The following NAT1 variants were observed in gnomAD, a reference collection of about 807,000 sequenced individuals.
NAT1 encodes arylamine N-acetyltransferase 1.
For synonymous variants in NAT1, 144 were observed against 122.6 expected (o/e 1.17, Z -1.16); for missense variants, 400 against 339.2 (o/e 1.18, Z -1.41).
At chr8:18,214,534 A>T (rs1188808839) in intron 1 of NAT1, among the ~76,000 whole-genome samples, 1 of 152,186 alleles carries the variant, frequency 6.6e-6, no homozygotes, top group Non-Finnish European at 1.5e-5. Flanking sequence ...TCTCTGCCAG[A>T]GGCTTGAGTA....
chr8:18,204,857 C>A (rs1193740977), intron 2 of NAT1, among the ~76,000 whole-genome samples: 1 of 152,092 alleles, frequency 6.6e-6, no homozygotes, highest in Non-Finnish European at 1.5e-5. Flanking sequence ...CTTAGAAATC[C>A]TTTTATCCTA....
intron 1 of NAT1, among the ~76,000 whole-genome samples, chr8:18,218,221 C>T (rs901599585): frequency 6.6e-6 from 1 of 152,102 alleles, no homozygotes; most frequent in African/African-American, 2.4e-5. Flanking sequence ...AATTGTGGTA[C>T]GTTGTCAGGA....
intron 2 of NAT1, among the ~76,000 whole-genome samples, chr8:18,185,496 T>G (rs78395636): frequency 0.025 from 3,874 of 152,272 alleles, 151 homozygotes; most frequent in African/African-American, 0.087. Context: ...GTGACAATAT[T>G]CCCCTTTTCA....
chr8:18,202,536 C>T (rs111948595), intron 2 of NAT1, among the ~76,000 whole-genome samples: 146 of 152,160 alleles, frequency 9.6e-4, no homozygotes, highest in African/African-American at 3.4e-3. Flanking sequence ...GTTTGTTCCT[C>T]CAGATGTTCA....
In NAT1 at chr8:18,176,371, A is replaced by C. The variant is rs550224546; in HGVS notation, n.92+5632A>C. 7.9e-5 allele frequency among the ~76,000 whole-genome samples: 12 copies of C among 152,182 alleles called. No homozygotes were observed. In the South Asian group the frequency reaches 2.5e-3, roughly 32 times the overall value. On this transcript the variant is annotated intron_variant and non_coding_transcript_variant, in intron 2 of 4. Transcript: ENST00000517441. ...TGTCACAGTTTCAGGTCTTACGTTT[A>C]AGTATTTTATTCATTTTGAGTTGAC...
chr8:18,209,632 C>T (rs1226826155), upstream of NAT1: 1 of 152,188 alleles, frequency 6.6e-6, no homozygotes, highest in Non-Finnish European at 1.5e-5. Context: ...TGCCCAGTGC[C>T]TTCAGGTAGA....
At chr8:18,182,256 T>C (rs1323405713) in intron 2 of NAT1, among the ~76,000 whole-genome samples, 1 of 152,196 alleles carries the variant, frequency 6.6e-6, no homozygotes, top group Non-Finnish European at 1.5e-5. Flanking sequence ...ACAGAAGGCC[T>C]GTTCAGCTAT....
chr8:18,222,897 G>A lies in NAT1; in HGVS notation c.850G>A (p.Gly284Ser), dbSNP rs762676638. Reference protein sequence around the residue: ...SLQRKLVPKHGDRFFTI With the variant: ...SLQRKLVPKHSDRFFTI The stretch of plus-strand genomic sequence containing the variant: ...GCAGAGAAAGCTTGTGCCCAAACAT[G>A]GTGATAGATTTTTTACTATTTAGAA... The change falls in exon 3 of 3, where the codon GGT becomes AGT. Residue 284 changes from glycine (G) to serine (S), a missense_variant. By Grantham distance (56) the Gly-to-Ser change is moderately conservative. Coordinates refer to ENST00000307719, the MANE Select transcript of NAT1 (RefSeq NM_000662.8). The A allele has an allele frequency of 5.1e-6, 8 of 1,559,192 alleles. No individual in the cohort carries two copies. The highest frequency in any genetic ancestry group is 6.0e-6 in the Non-Finnish European group (7 of 1,160,140).
chr8:18,203,611 G>C (rs1223536739), intron 2 of NAT1, among the ~76,000 whole-genome samples: 1 of 152,274 alleles, frequency 6.6e-6, no homozygotes, highest in African/African-American at 2.4e-5. Context: ...GCCCAGTTGT[G>C]CCTCCTGGCT....
intron 2 of NAT1, among the ~76,000 whole-genome samples, chr8:18,176,000 T>C (rs186148037): frequency 5.3e-4 from 80 of 152,290 alleles, no homozygotes; most frequent in African/African-American, 1.9e-3. Flanking sequence ...GCCATTCCTT[T>C]CTGTTATTTT....
intron 2 of NAT1, among the ~76,000 whole-genome samples, chr8:18,172,091 C>T (rs1267559388): frequency 2.0e-5 from 3 of 152,156 alleles, no homozygotes; most frequent in Non-Finnish European, 4.4e-5. Flanking sequence ...CTAAGGACAA[C>T]AGTGAAAACT....
At chr8:18,206,831 G>C (rs534214293), upstream of NAT1, among the ~76,000 whole-genome samples, 33 of 151,982 alleles carry the variant, frequency 2.2e-4, no homozygotes, top group Non-Finnish European at 4.4e-4. Flanking sequence ...AATTACTTTG[G>C]GCAGTATGGC....
intron 2 of NAT1, among the ~76,000 whole-genome samples, chr8:18,198,205 T>A (rs1454394959): frequency 6.6e-6 from 1 of 152,080 alleles, no homozygotes; most frequent in Non-Finnish European, 1.5e-5. Context: ...ATCAGAGAAA[T>A]CAATGAAGTG....
At chr8:18,181,011 T>C (rs1340945723) in intron 2 of NAT1, among the ~76,000 whole-genome samples, 5 of 152,158 alleles carry the variant, frequency 3.3e-5, no homozygotes, top group African/African-American at 1.2e-4. Flanking sequence ...CTATACACAT[T>C]TTAGAATTTT....
intron 2 of NAT1, among the ~76,000 whole-genome samples, chr8:18,187,700 T>C (rs572080041): frequency 3.3e-5 from 5 of 151,860 alleles, no homozygotes; most frequent in Admixed American, 6.6e-5. Context: ...TGGGGCCTAC[T>C]TGAGGGTGGA....
At chr8:18,190,921 G>T (rs564345983) in intron 2 of NAT1, among the ~76,000 whole-genome samples, 1 of 151,986 alleles carries the variant, frequency 6.6e-6, no homozygotes, top group Non-Finnish European at 1.5e-5. Flanking sequence ...ACAAAAATTA[G>T]CTGGGTGTGG....
At position 18,176,284 on chromosome 8, in the gene NAT1, C is replaced by T. The variant is rs73587979; in HGVS notation, n.92+5545C>T. ...AGTCCTGTCCAAGAAATCTTGCCCACACCAATGTCATGGAGAGTATCCTCA... is the reference window on the plus strand; with the variant it reads ...AGTCCTGTCCAAGAAATCTTGCCCATACCAATGTCATGGAGAGTATCCTCA... On this transcript the variant is annotated intron_variant and non_coding_transcript_variant, in intron 2 of 4. Coordinates refer to the NAT1 transcript ENST00000517441. Among the ~76,000 whole-genome samples the T allele has an allele frequency of 9.2e-3, 1,398 of 152,156 alleles. 34 individuals carry two copies. The highest frequency in any genetic ancestry group is 0.032 in the African/African-American group (1,333 of 41,532).
At chr8:18,210,247 G>A (rs977728370) in intron 1 of NAT1, 67 bp downstream of exon 1, 2 of 152,146 alleles carry the variant, frequency 1.3e-5, no homozygotes, top group Admixed American at 1.3e-4. Flanking sequence ...GAGTACAGGA[G>A]AGTAGGTTCT....
intron 2 of NAT1, among the ~76,000 whole-genome samples, chr8:18,179,612 C>G (rs759784344): frequency 3.9e-5 from 6 of 152,158 alleles, no homozygotes; most frequent in Non-Finnish European, 7.4e-5. Context: ...CTGCTGGAGT[C>G]TGCAGACCCC....
Sources: allele counts gnomAD v4.1 joint callset (sites outside exome capture counted in the v4.1 genomes callset), GRCh38; gene constraint gnomAD v4.1.1; transcripts MANE v1.5; gene names NCBI Gene and HGNC (gene_info 2026-07-23, HGNC 2026-07-21).